ST14: variants seen among roughly 807,000 people sequenced by gnomAD.
The protein encoded by ST14 is ST14 transmembrane serine protease matriptase.
In ST14, 40 loss-of-function variants were observed where a neutral mutation model predicts 96.5. The ratio of observed to expected loss-of-function variants is 0.41; its 90% CI spans 0.32 to 0.54. ST14 has a LOEUF of 0.54. Among genes scored for constraint, ST14 ranks in the 20% least tolerant of loss-of-function variants. The pLI is 0.17. For synonymous variants in ST14, 506 were observed against 492.1 expected (o/e 1.03, Z -0.37); for missense variants, 1,066 against 1,188.9 (o/e 0.90, Z 1.52).
chr11:130,206,887 T>A lies in ST14; in HGVS notation c.1995-1523T>A, dbSNP rs118160988. On this transcript the variant is annotated intron_variant, in intron 16 of 18. Coordinates refer to ENST00000278742, the MANE Select transcript of ST14 (RefSeq NM_021978.4). ...CCGGCCAGGGGCTGCTTTTTCTCTG[T>A]AAAGAATAGCTTTCCTTTTCCCTGT... 0.013 allele frequency among the ~76,000 whole-genome samples: 1,987 copies of A among 152,294 alleles called. 91 individuals are homozygous for A. The East Asian group carries it at 0.17, about 13-fold the overall frequency.
rs1011366081 is a variant in ST14 at position 130,190,703 on chromosome 11, C to G, written c.875+9C>G. ...CCCCACGCCCTGGTGCAGTGAGTAC[C>G]CCGGGGGGCGGGTAGGGCTGTGGGA... is the stretch of plus-strand genomic sequence containing the variant. On this transcript the variant is annotated intron_variant, in intron 7 of 18. Coordinates refer to ENST00000278742, the MANE Select transcript of ST14 (RefSeq NM_021978.4). 6.4e-7 allele frequency: 1 copy of G among 1,568,888 alleles called. No individual in the cohort carries two copies. The highest frequency in any genetic ancestry group is 8.6e-7 in the Non-Finnish European group (1 of 1,157,460).
intron 1 of ST14, among the ~76,000 whole-genome samples, chr11:130,165,136 A>G (rs920260540): frequency 6.6e-6 from 1 of 152,190 alleles, no homozygotes; most frequent in African/African-American, 2.4e-5. Context: ...GGCGGAATCT[A>G]GATTGGAGCC....
At chr11:130,171,596 A>G (rs1219044162) in intron 1 of ST14, among the ~76,000 whole-genome samples, 3 of 152,218 alleles carry the variant, frequency 2.0e-5, no homozygotes, top group Non-Finnish European at 4.4e-5. Flanking sequence ...GTGGTGCAAG[A>G]TCAAAGATAA....
intron 1 of ST14, among the ~76,000 whole-genome samples, chr11:130,180,098 G>A (rs763031686): frequency 2.6e-5 from 4 of 152,306 alleles, no homozygotes; most frequent in African/African-American, 4.8e-5. Flanking sequence ...GTCACCGAGC[G>A]TGTCAGTCAA....
At chr11:130,189,964 A>G (rs1408954248) in intron 5 of ST14, 68 bp downstream of exon 5, 2 of 1,612,376 alleles carry the variant, frequency 1.2e-6, no homozygotes, top group African/African-American at 2.7e-5. Context: ...TGGGCCCTGG[A>G]CCATTGCAGG....
Position 130,194,190 on chromosome 11 carries a change from A to T in ST14, c.917A>T (p.His306Leu). The T allele has an allele frequency of 2.5e-6, 4 of 1,612,742 alleles. No individual in the cohort carries two copies. Among genetic ancestry groups the T allele is most frequent in the Non-Finnish European group, 3.4e-6 (4 of 1,179,664 alleles). ...CCTCCCTCCTACAACCTGACCTTCCACTCCTCCCAGAACGTCCTGCTCATC... is the reference window on the plus strand; with the variant it reads ...CCTCCCTCCTACAACCTGACCTTCCTCTCCTCCCAGAACGTCCTGCTCATC... The part of the protein sequence containing the change: ...TYPPSYNLTF[H>L]SSQNVLLITL... The change falls in exon 8 of 19, where the codon CAC becomes CTC. Residue 306 changes from histidine (H) to leucine (L), a missense_variant. By Grantham distance (99) the His-to-Leu change is moderately conservative. Coordinates refer to ENST00000278742, the MANE Select transcript of ST14 (RefSeq NM_021978.4).
At chr11:130,197,016 A>G (rs1473283955) in intron 11 of ST14, among the ~76,000 whole-genome samples, 1 of 152,024 alleles carries the variant, frequency 6.6e-6, no homozygotes, top group Non-Finnish European at 1.5e-5. Flanking sequence ...CGTGACTTTG[A>G]TCATCTGTGC....
chr11:130,165,410 G>A (rs76643217), intron 1 of ST14, among the ~76,000 whole-genome samples: 5,432 of 152,254 alleles, frequency 0.036, 159 homozygotes, highest in Non-Finnish European at 0.051. Flanking sequence ...AGTGTGTTTG[G>A]GGTTTGCTCA....
Position 130,190,564 on chromosome 11 carries a change from C to T in ST14, c.745C>T (p.Arg249Trp), listed in dbSNP as rs779391258. Residue 249 changes from arginine (R) to tryptophan (W), a missense_variant, in exon 7 of 19, where the codon CGG becomes TGG. By Grantham distance (101) the Arg-to-Trp change is moderately radical. Coordinates refer to ENST00000278742, the MANE Select transcript of ST14 (RefSeq NM_021978.4). ...PAHARCQWAL[R>W]GDADSVLSLT... is the part of the protein sequence containing the mutation. ...TCATGCCCGCTGCCAGTGGGCCCTG[C>T]GGGGGGACGCCGACTCAGTGCTGAG... is the stretch of plus-strand genomic sequence containing the variant. The T allele has an allele frequency of 1.1e-5, 17 of 1,612,294 alleles. No homozygotes were observed. The highest frequency in any genetic ancestry group is 1.7e-5 in the Admixed American group (1 of 59,990).
chr11:130,170,530 G>A (rs1358158452), intron 1 of ST14, among the ~76,000 whole-genome samples: 1 of 152,130 alleles, frequency 6.6e-6, no homozygotes, highest in African/African-American at 2.4e-5. Context: ...AAAGTACGGT[G>A]GCTTGTTGTG....
chr11:130,209,005 G>T (rs201751344), intron 17 of ST14, among the ~76,000 whole-genome samples: 14 of 152,212 alleles, frequency 9.2e-5, no homozygotes, highest in African/African-American at 1.4e-4. Flanking sequence ...GGCACGTGAG[G>T]GGGTGGGTAT....
rs1345162318 is a variant in ST14, at chr11:130,208,697, C to A, written c.2269+13C>A. 11 of 1,610,612 alleles carry A rather than the reference C, an allele frequency of 6.8e-6. No individual in the cohort carries two copies. The highest frequency in any genetic ancestry group is 1.7e-4 in the Middle Eastern group (1 of 5,772). ...ACCCAGTATGGAGGTAAGCTTCGGG[C>A]TGACCTAGGGCTCCGCAGAGGGCCT... On this transcript the variant is annotated intron_variant, in intron 17 of 18. Coordinates refer to ENST00000278742, the MANE Select transcript of ST14 (RefSeq NM_021978.4).
At position 130,188,809 on chromosome 11, in the gene ST14, C is replaced by T. The variant is rs1211092157; in HGVS notation, c.370-60C>T. 8.7e-6 allele frequency: 14 copies of T among 1,603,528 alleles called. No homozygotes were observed. The highest frequency in any genetic ancestry group is 2.7e-5 in the African/African-American group (2 of 74,800). On this transcript the variant is annotated intron_variant, in intron 3 of 18. Coordinates refer to ENST00000278742, the MANE Select transcript of ST14 (RefSeq NM_021978.4). The surrounding 1 kb of genome is among the most constrained non-coding windows in gnomAD (Gnocchi z 5.4). ...GGGCCCTGGAGGGGAGGGAGCAGCCCGGGCTTGGGGCAGGGTCATCGCCGC... is the reference window on the plus strand; with the variant it reads ...GGGCCCTGGAGGGGAGGGAGCAGCCTGGGCTTGGGGCAGGGTCATCGCCGC...
intron 1 of ST14, among the ~76,000 whole-genome samples, chr11:130,168,165 G>A (rs759144233): frequency 6.6e-6 from 1 of 152,182 alleles, no homozygotes; most frequent in Non-Finnish European, 1.5e-5. Context: ...TTGTTTGGGT[G>A]TGTTACTTGA....
intron 9 of ST14, 143 bp downstream of exon 9, chr11:130,194,880 ATGTG>A (rs1027278991): frequency 5.1e-6 from 4 of 778,450 alleles, no homozygotes; most frequent in Non-Finnish European, 4.3e-6. Context: ...GTGTGTGCGT[ATGTG>A]TGTGTGTGAG....
rs543039833 is a variant in ST14 at position 130,183,255 on chromosome 11, C to T, written c.82-4859C>T. Among the ~76,000 whole-genome samples the T allele has an allele frequency of 5.3e-5, 8 of 152,306 alleles. No homozygotes were observed. In the South Asian group the frequency reaches 1.5e-3, roughly 28 times the overall value. ...GATTACAGGCGTGAGCCACCACACC[C>T]GGCCTACATTTCTTATACATATATA... is the stretch of plus-strand genomic sequence containing the variant. On this transcript the variant is annotated intron_variant, in intron 1 of 18. Coordinates refer to ENST00000278742, the MANE Select transcript of ST14 (RefSeq NM_021978.4).
Position 130,209,767 on chromosome 11 carries a change from G to A in ST14, c.2512G>A (p.Val838Met), listed in dbSNP as rs1269553467. ...CTGCGCTCAGAGGAACAAGCCAGGC[G>A]TGTACACAAGGCTCCCTCTGTTTCG... ...DGCAQRNKPG[V>M]YTRLPLFRDW... Residue 838 changes from valine to methionine, a missense_variant, in exon 19 of 19, where the codon GTG becomes ATG. Physicochemically the swap from Val to Met is conservative, Grantham distance 21. Coordinates refer to ENST00000278742, the MANE Select transcript of ST14 (RefSeq NM_021978.4). 1.2e-6 allele frequency: 2 copies of A among 1,614,044 alleles called. No homozygotes were observed. The highest frequency in any genetic ancestry group is 1.7e-6 in the Non-Finnish European group (2 of 1,180,026).
chr11:130,203,446 C>G (rs183330461), intron 16 of ST14, among the ~76,000 whole-genome samples: 5 of 152,304 alleles, frequency 3.3e-5, no homozygotes, highest in Middle Eastern at 3.4e-3. Context: ...CTGCACCACT[C>G]GAGCCCAGAG....
intron 1 of ST14, among the ~76,000 whole-genome samples, chr11:130,174,688 C>A (rs1953120552): frequency 6.6e-6 from 1 of 152,186 alleles, no homozygotes; most frequent in African/African-American, 2.4e-5. Context: ...GACAAGCATC[C>A]TCCTCCACTG....
Sources: allele counts gnomAD v4.1 joint callset (sites outside exome capture counted in the v4.1 genomes callset), GRCh38; gene constraint gnomAD v4.1.1; non-coding constraint Gnocchi (gnomAD v3.1); transcripts MANE v1.5; gene names NCBI Gene and HGNC (gene_info 2026-07-23, HGNC 2026-07-21).